CHRNA9: variants seen among roughly 807,000 people sequenced by gnomAD.
CHRNA9 encodes cholinergic receptor nicotinic alpha 9 subunit.
A neutral mutation model predicts 36.8 loss-of-function variants in CHRNA9; 24 were observed. That is an observed-to-expected ratio of 0.65 (90% CI 0.47 to 0.92). CHRNA9 has a LOEUF of 0.92. Ranked by LOEUF, CHRNA9 falls within the 40% of genes least tolerant of loss-of-function variation. The pLI is 0.00. For missense variants in CHRNA9, 610 were observed against 601.2 expected (o/e 1.01, Z -0.15); for synonymous variants, 231 against 231.8 (o/e 1.00, Z 0.03).
At position 40,335,480 on chromosome 4, in the gene CHRNA9, C is replaced by G; in HGVS notation, c.13C>G (p.His5Asp). The G allele has an allele frequency of 1.2e-6, 2 of 1,613,458 alleles. No homozygotes were observed. Among genetic ancestry groups the G allele is most frequent in the Non-Finnish European group, 1.7e-6 (2 of 1,179,312 alleles). The change falls in exon 1 of 5, where the codon CAT (histidine) becomes GAT (aspartate). Residue 5 changes from histidine to aspartate, a missense_variant. Transcript: ENST00000310169. ...GCTCAGGAAAAAGATGAACTGGTCC[C>G]ATTCCTGCATCTCCTTTTGCTGGAT... is the stretch of plus-strand genomic sequence containing the variant. MNWS[H>D]SCISFCWIYF...
chr4:40,354,379 G>A lies in CHRNA9; in HGVS notation c.1299G>A (p.Lys433=). ...CGAGGAATATTGAGTACATCGCCAA[G>A]TGCCTCAAAGACCACAAGGCCACCA... The part of the protein sequence containing the change: ...VLTRNIEYIA[K]CLKDHKATNS... Residue 433 remains lysine (K), a synonymous_variant, in exon 5 of 5, where the codon AAG becomes AAA. Transcript: ENST00000310169. 6.2e-7 allele frequency: 1 copy of A among 1,614,208 alleles called. No individual in the cohort carries two copies. The highest frequency in any genetic ancestry group is 1.3e-5 in the African/African-American group (1 of 75,056).
At chr4:40,348,744 C>T in intron 3 of CHRNA9, 138 bp from the exon 4 acceptor site, 2 of 745,262 alleles carry the variant, frequency 2.7e-6, no homozygotes, top group Non-Finnish European at 4.4e-6. Flanking sequence ...TGATTCCAGA[C>T]TTCCGAGCCA....
intron 3 of CHRNA9, among the ~76,000 whole-genome samples, chr4:40,343,181 A>G (rs1229013992): frequency 2.0e-5 from 3 of 152,170 alleles, no homozygotes; most frequent in Non-Finnish European, 4.4e-5. Context: ...GCTCAATTGC[A>G]AAACAACTAA....
intron 3 of CHRNA9, 46 bp downstream of exon 3, chr4:40,337,410 A>G: frequency 2.6e-6 from 4 of 1,567,636 alleles, no homozygotes; most frequent in Non-Finnish European, 3.5e-6. Context: ...GAACGTGTTG[A>G]TTTCATAGAA....
Position 40,349,378 on chromosome 4 carries a change from GA to G in CHRNA9, c.865del (p.Ile289SerfsTer10). On this transcript the variant is annotated frameshift_variant, in exon 4 of 5. Transcript: ENST00000310169. LOFTEE classifies it high-confidence loss of function. The stretch of plus-strand genomic sequence containing the variant: ...GACTGTATTTCAGCTAATGGTGGCA[GA>G]AATCATGCCGGCCTCAGAAAATGTG... ...AMTVFQLMVA[E>X]IMPASENVPL... is the part of the protein sequence containing the mutation. 2 of 1,613,978 alleles carry G rather than the reference GA, an allele frequency of 1.2e-6. No homozygotes were observed. The highest frequency in any genetic ancestry group is 1.7e-6 in the Non-Finnish European group (2 of 1,179,902).
At chr4:40,345,280 G>C (rs978542374) in intron 3 of CHRNA9, among the ~76,000 whole-genome samples, 1 of 152,152 alleles carries the variant, frequency 6.6e-6, no homozygotes, top group African/African-American at 2.4e-5. Flanking sequence ...GGCTGGGCGC[G>C]GTGGCTTGTA....
rs1712731347 is a variant in CHRNA9, at chr4:40,349,349, C to T, written c.833C>T (p.Ala278Val). The stretch of plus-strand genomic sequence containing the variant: ...TCCCTGGGAGTGACCATCCTGTTGG[C>T]CATGACTGTATTTCAGCTAATGGTG... ...KVSLGVTILL[A>V]MTVFQLMVAE... Residue 278 changes from alanine to valine, a missense_variant, in exon 4 of 5, where the codon GCC becomes GTC. Ala to Val is a moderately conservative substitution (Grantham distance 64). Coordinates refer to ENST00000310169, the MANE Select transcript of CHRNA9 (RefSeq NM_017581.4). 1 of 1,614,128 alleles carries T rather than the reference C, an allele frequency of 6.2e-7. No individual in the cohort carries two copies. The highest frequency in any genetic ancestry group is 8.5e-7 in the Non-Finnish European group (1 of 1,179,986).
intron 3 of CHRNA9, among the ~76,000 whole-genome samples, chr4:40,343,881 C>G (rs1023141136): frequency 6.6e-6 from 1 of 152,192 alleles, no homozygotes; most frequent in Non-Finnish European, 1.5e-5. Flanking sequence ...AAGATGTCCA[C>G]ATCCTAATCC....
At position 40,349,132 on chromosome 4, in the gene CHRNA9, C is replaced by A; in HGVS notation, c.616C>A (p.His206Asn). Residue 206 changes from histidine to asparagine, a missense_variant, in exon 4 of 5, where the codon CAT becomes AAT. His to Asn is a moderately conservative substitution (Grantham distance 68). Coordinates refer to ENST00000310169, the MANE Select transcript of CHRNA9 (RefSeq NM_017581.4). ...DFIEDVEWEV[H>N]GMPAVKNVIS... is the part of the protein sequence containing the mutation. ...CATTGAAGATGTGGAATGGGAGGTC[C>A]ATGGCATGCCCGCTGTGAAGAATGT... The A allele has an allele frequency of 6.2e-7, 1 of 1,614,144 alleles. No individual in the cohort carries two copies. Among genetic ancestry groups the A allele is most frequent in the Non-Finnish European group, 8.5e-7 (1 of 1,180,014 alleles).
At chr4:40,339,662 C>CAAAAAA (rs756343215) in intron 3 of CHRNA9, among the ~76,000 whole-genome samples, 6 of 94,110 alleles carry the variant, frequency 6.4e-5, no homozygotes, top group African/African-American at 2.3e-4. Context: ...GACTCTATCT[C>CAAAAAA]AAAAAAAAAA....
chr4:40,351,509 T>TAA (rs1473464361), intron 4 of CHRNA9, among the ~76,000 whole-genome samples: 1 of 151,990 alleles, frequency 6.6e-6, no homozygotes, highest in Non-Finnish European at 1.5e-5. Context: ...TGCCCACAGA[T>TAA]CTCTTGAGAA....
At chr4:40,340,791 G>C (rs1712476841) in intron 3 of CHRNA9, among the ~76,000 whole-genome samples, 1 of 151,866 alleles carries the variant, frequency 6.6e-6, no homozygotes, top group African/African-American at 2.4e-5. Context: ...GGGCCTGGAT[G>C]CCACTTCACA....
chr4:40,339,235 C>T (rs544230972), intron 3 of CHRNA9, among the ~76,000 whole-genome samples: 2 of 128,674 alleles, frequency 1.6e-5, no homozygotes, highest in East Asian at 4.6e-4. Flanking sequence ...GCCAAGATTG[C>T]ACCACTGCAC....
intron 2 of CHRNA9, among the ~76,000 whole-genome samples, chr4:40,337,001 A>G (rs372508788): frequency 3.4e-4 from 52 of 152,096 alleles, no homozygotes; most frequent in Middle Eastern, 6.8e-3. Flanking sequence ...TGTCCACTTT[A>G]CATTCTGAAC....
Position 40,348,971 on chromosome 4 carries a change from A to G in CHRNA9, c.455A>G (p.Lys152Arg), listed in dbSNP as rs1477588884. The change falls in exon 4 of 5, where the codon AAA becomes AGA. Residue 152 changes from lysine to arginine, a missense_variant. Coordinates refer to ENST00000310169, the MANE Select transcript of CHRNA9 (RefSeq NM_017581.4). ...ACCTGGGATGCACCGGCCATCACCA[A>G]AAGCTCCTGTGTGGTGGATGTCACC... Reference protein sequence around the residue: ...LITWDAPAITKSSCVVDVTYF... With the variant: ...LITWDAPAITRSSCVVDVTYF... 1.2e-6 allele frequency: 2 copies of G among 1,614,200 alleles called. No homozygotes were observed. Among genetic ancestry groups the G allele is most frequent in the South Asian group, 1.1e-5 (1 of 91,084 alleles).
At position 40,337,308 on chromosome 4, in the gene CHRNA9, C is replaced by T. The variant is rs1712353181; in HGVS notation, c.309C>T (p.Asp103=). ...TWDRDQYDGL[D]SIRIPSDLVW... is the part of the protein sequence containing the mutation. ...ACCGAGATCAGTACGATGGCCTAGA[C>T]TCCATCAGGATCCCCAGTGACCTCG... is the stretch of plus-strand genomic sequence containing the variant. Residue 103 remains aspartate (D), a synonymous_variant, in exon 3 of 5, where the codon GAC becomes GAT. Coordinates refer to ENST00000310169, the MANE Select transcript of CHRNA9 (RefSeq NM_017581.4). 2 of 1,614,244 alleles carry T rather than the reference C, an allele frequency of 1.2e-6. No homozygotes were observed. Among genetic ancestry groups the T allele is most frequent in the South Asian group, 1.1e-5 (1 of 91,090 alleles).
Position 40,335,442 on chromosome 4 carries a change from CTTT to C in CHRNA9, c.-25_-23del. Reference sequence around the variant, plus strand: ...GGAAGACCACGCTGCCTGACTGAGACTTTATTATAGAGGCTCAGGAAAAAGATG... The same window carrying C: ...GGAAGACCACGCTGCCTGACTGAGACATTATAGAGGCTCAGGAAAAAGATG... On this transcript the variant is annotated 5_prime_UTR_variant, in exon 1 of 5. Coordinates refer to ENST00000310169, the MANE Select transcript of CHRNA9 (RefSeq NM_017581.4). 1 of 1,595,374 alleles carries C rather than the reference CTTT, an allele frequency of 6.3e-7. No individual in the cohort carries two copies. Among genetic ancestry groups the C allele is most frequent in the South Asian group, 1.1e-5 (1 of 90,710 alleles).
chr4:40,353,260 G>A (rs1202655880), intron 4 of CHRNA9, among the ~76,000 whole-genome samples: 1 of 152,194 alleles, frequency 6.6e-6, no homozygotes, highest in Non-Finnish European at 1.5e-5. Context: ...AGAGGCCGGG[G>A]TAGGCAGATC....
chr4:40,348,755 C>T, intron 3 of CHRNA9, 127 bp from the exon 4 acceptor site: 1 of 862,424 alleles, frequency 1.2e-6, no homozygotes, highest in Non-Finnish European at 1.8e-6. Flanking sequence ...TTCCGAGCCA[C>T]AGTGACAGGC....
Sources: allele counts gnomAD v4.1 joint callset (sites outside exome capture counted in the v4.1 genomes callset), GRCh38; gene constraint gnomAD v4.1.1; transcripts MANE v1.5; gene names NCBI Gene and HGNC (gene_info 2026-07-23, HGNC 2026-07-21).